DPF3: variants seen among roughly 807,000 people sequenced by gnomAD.
DPF3 encodes the protein zinc finger protein DPF3.
DPF3 carries 18 observed loss-of-function variants against 56.8 expected under a neutral mutation model. That is an observed-to-expected ratio of 0.32 (90% confidence interval 0.22 to 0.47). DPF3 has a LOEUF of 0.47. Ranked by LOEUF, DPF3 falls within the 20% of genes least tolerant of loss-of-function variation. The probability of loss-of-function intolerance (pLI) is 1.00; values close to 1 mark genes in which losing one functional copy is unlikely to be tolerated. For missense variants in DPF3, 403 were observed against 488.8 expected (o/e 0.82, Z 1.65); for synonymous variants, 188 against 180.2 (o/e 1.04, Z -0.35).
intron 8 of DPF3, chr14:72,662,325 T>C (rs1886251389): frequency 1.0e-6 from 1 of 984,834 alleles, no homozygotes; most frequent in Non-Finnish European, 1.2e-6. Flanking sequence ...TCTTTTATTT[T>C]ACATTAAGTA....
In DPF3 at chr14:72,866,239, C is replaced by G. The variant is rs866771579; in HGVS notation, c.32+27818G>C. Among the ~76,000 whole-genome samples the G allele has an allele frequency of 3.3e-5, 5 of 151,420 alleles. No individual in the cohort carries two copies. The South Asian group carries it at 6.2e-4, about 19-fold the overall frequency. ...CCACCTCTTCCACAGACTGAGGTCA[C>G]CTCAGTCTGTTCCTGCCACAGCCTC... On this transcript the variant is annotated intron_variant, in intron 1 of 10. Transcript: ENST00000556509.
chr14:72,698,232 C>T (rs1887994152), intron 6 of DPF3, among the ~76,000 whole-genome samples: 1 of 152,214 alleles, frequency 6.6e-6, no homozygotes, highest in South Asian at 2.1e-4. Context: ...GAAAGCAATA[C>T]ACATTCGATA....
At chr14:72,808,133 A>G (rs1882872237) in intron 1 of DPF3, among the ~76,000 whole-genome samples, 2 of 152,112 alleles carry the variant, frequency 1.3e-5, no homozygotes, top group African/African-American at 4.8e-5. Context: ...ATGGACTGAG[A>G]ACTAGGAAAG....
intron 1 of DPF3, among the ~76,000 whole-genome samples, chr14:72,790,310 G>C (rs1892375776): frequency 6.6e-6 from 1 of 152,110 alleles, no homozygotes; most frequent in African/African-American, 2.4e-5. Context: ...AGCTTCCTGG[G>C]AGAAAGACTG....
At chr14:72,624,333 CTTTTT>C (rs55820708) in intron 9 of DPF3, among the ~76,000 whole-genome samples, 1 of 97,796 alleles carries the variant, frequency 1.0e-5, no homozygotes, top group African/African-American at 3.9e-5. Flanking sequence ...ACCTATGTCT[CTTTTT>C]TTTTTTTTTT....
chr14:72,762,547 A>AT (rs199642706), intron 2 of DPF3, among the ~76,000 whole-genome samples: 10 of 151,504 alleles, frequency 6.6e-5, no homozygotes, highest in South Asian at 6.2e-4. Context: ...TCCATTTGTG[A>AT]TTTAAAAAAA....
intron 1 of DPF3, among the ~76,000 whole-genome samples, chr14:72,880,362 T>C (rs1203006426): frequency 6.6e-6 from 1 of 152,172 alleles, no homozygotes; most frequent in Non-Finnish European, 1.5e-5. Flanking sequence ...GCTCAAACTT[T>C]AGTTGGCAGT....
At chr14:72,848,372 C>T (rs901308501) in intron 1 of DPF3, among the ~76,000 whole-genome samples, 2 of 152,098 alleles carry the variant, frequency 1.3e-5, no homozygotes, top group African/African-American at 4.8e-5. Flanking sequence ...ACTATGTTGC[C>T]CAGGCTGGCC....
intron 1 of DPF3, among the ~76,000 whole-genome samples, chr14:72,866,860 C>T (rs1283970729): frequency 1.3e-5 from 2 of 149,792 alleles, no homozygotes; most frequent in Non-Finnish European, 3.0e-5. Context: ...CCATCCGACT[C>T]GTGATCCACC....
intron 8 of DPF3, among the ~76,000 whole-genome samples, chr14:72,671,679 C>T (rs548758717): frequency 6.6e-6 from 1 of 152,336 alleles, no homozygotes; most frequent in South Asian, 2.1e-4. Flanking sequence ...CAATGATTTT[C>T]ATTGGTGGTT....
chr14:72,654,376 C>A (rs1016222967), intron 8 of DPF3, among the ~76,000 whole-genome samples: 1 of 152,194 alleles, frequency 6.6e-6, no homozygotes. Flanking sequence ...GCTACTCCAA[C>A]CTGCACTGGT....
chr14:72,723,487 A>C, intron 5 of DPF3, 146 bp downstream of exon 5: 2 of 701,064 alleles, frequency 2.9e-6, no homozygotes, highest in Non-Finnish European at 4.6e-6. Context: ...ACCTGGGATC[A>C]GAGCTCTTCT....
intron 5 of DPF3, among the ~76,000 whole-genome samples, chr14:72,723,285 A>G (rs1222850026): frequency 6.6e-6 from 1 of 151,472 alleles, no homozygotes; most frequent in Non-Finnish European, 1.5e-5. Flanking sequence ...CTGGCACAGC[A>G]CCAGGGACAA....
intron 8 of DPF3, among the ~76,000 whole-genome samples, chr14:72,672,775 G>GC (rs750053014): frequency 6.6e-6 from 1 of 152,138 alleles, no homozygotes; most frequent in Non-Finnish European, 1.5e-5. Context: ...TTCTGAAGCT[G>GC]CCCCCTCTAA....
chr14:72,829,018 G>A (rs1004817021), intron 1 of DPF3, among the ~76,000 whole-genome samples: 1 of 152,220 alleles, frequency 6.6e-6, no homozygotes, highest in African/African-American at 2.4e-5. Context: ...TAGGAGACCA[G>A]TAAGAAAGCC....
intron 9 of DPF3, among the ~76,000 whole-genome samples, chr14:72,625,577 T>C (rs1205679362): frequency 2.0e-5 from 3 of 152,188 alleles, no homozygotes; most frequent in Non-Finnish European, 2.9e-5. Flanking sequence ...ACCAATTCCT[T>C]GATGCCATGT....
chr14:72,890,501 G>GATAATAATAATAATAATAATAATAATA (rs58089317), intron 1 of DPF3, among the ~76,000 whole-genome samples: 28 of 146,536 alleles, frequency 1.9e-4, no homozygotes, highest in East Asian at 8.0e-4. Context: ...AAAAAATAAT[G>GATAATAATAATAATAATAATAATAATA]ATAATAATAA....
chr14:72,799,392 T>C (rs1020312085), intron 1 of DPF3, among the ~76,000 whole-genome samples: 3 of 152,166 alleles, frequency 2.0e-5, no homozygotes, highest in African/African-American at 7.2e-5. Context: ...TAGCCAGCCA[T>C]GGTGACTCAC....
At chr14:72,684,634 A>G (rs916179360) in intron 7 of DPF3, among the ~76,000 whole-genome samples, 1 of 151,940 alleles carries the variant, frequency 6.6e-6, no homozygotes, top group African/African-American at 2.4e-5. Flanking sequence ...TTTTTTCTGT[A>G]GGAAAAAAAC....
Sources: gnomAD v4.1 joint callset for allele counts (sites outside exome capture counted in the v4.1 genomes callset) on GRCh38, gnomAD v4.1.1 for gene constraint, MANE v1.5 for transcripts, NCBI Gene and HGNC (gene_info 2026-07-23, HGNC 2026-07-21) for gene names.